Variants in COLEC12 observed in about 807,000 individuals in gnomAD.
COLEC12 encodes the protein collectin-12.
In COLEC12, 33 loss-of-function variants were observed where a neutral mutation model predicts 71.1. That is an observed-to-expected ratio of 0.46 (90% CI 0.35 to 0.62). The LOEUF (loss-of-function observed/expected upper bound fraction) is 0.62. Ranked by LOEUF, COLEC12 falls within the 20% of genes least tolerant of loss-of-function variation. COLEC12 has a pLI of 0.00. For missense variants in COLEC12, 765 were observed against 916.1 expected, an observed-to-expected ratio of 0.84 and a Z score of 2.13; for synonymous variants, 350 against 353.0, an observed-to-expected ratio of 0.99 and a Z score of 0.10.
At chr18:350,802 C>T (rs927903335) in intron 3 of COLEC12, among the ~76,000 whole-genome samples, 3 of 151,886 alleles carry the variant, frequency 2.0e-5, no homozygotes, top group African/African-American at 7.3e-5. Flanking sequence ...GTGGTACACG[C>T]CTGTAACCTC....
rs1248375251 is a variant in COLEC12 at position 316,829 on chromosome 18, CT to C, written c.*3215del. On this transcript the variant is annotated 3_prime_UTR_variant, in exon 10 of 10. Transcript: ENST00000400256. ...TAGAGGAAAAAACATTTTCTATCTT[CT>C]CATAGTAGTAAGTAGCAACTCAGGT... 6.6e-6 allele frequency: 1 copy of C among 152,106 alleles called. No homozygotes were observed. Among genetic ancestry groups the C allele is most frequent in the Non-Finnish European group, 1.5e-5 (1 of 68,036 alleles). The allele number at this position is 152,106 out of a possible 1,614,324, so 9.4% of individuals were successfully genotyped here.
At chr18:442,715 A>T (rs886619361) in intron 2 of COLEC12, among the ~76,000 whole-genome samples, 10 of 152,336 alleles carry the variant, frequency 6.6e-5, no homozygotes, top group African/African-American at 2.4e-4. Context: ...TAATCCCAGT[A>T]CTTTGGGAGG....
intron 2 of COLEC12, among the ~76,000 whole-genome samples, chr18:472,239 C>T (rs967127288): frequency 3.3e-5 from 5 of 152,202 alleles, no homozygotes; most frequent in African/African-American, 1.2e-4. Context: ...GGCAGTCTGG[C>T]TCCAGCATAC....
intron 2 of COLEC12, among the ~76,000 whole-genome samples, chr18:421,732 T>C (rs1391219778): frequency 6.6e-6 from 1 of 152,146 alleles, no homozygotes; most frequent in Non-Finnish European, 1.5e-5. Context: ...GTGATTCCAG[T>C]GATTGACCAC....
At chr18:475,131 C>T (rs886267321) in intron 2 of COLEC12, among the ~76,000 whole-genome samples, 3 of 151,968 alleles carry the variant, frequency 2.0e-5, no homozygotes, top group Non-Finnish European at 2.9e-5. Flanking sequence ...TTTGTAAAAC[C>T]ACATAAATGA....
intron 2 of COLEC12, among the ~76,000 whole-genome samples, chr18:358,230 C>A (rs114105943): frequency 1.1e-4 from 17 of 152,160 alleles, no homozygotes; most frequent in Admixed American, 1.1e-3. Flanking sequence ...ATGGTATAGA[C>A]CAGCGGTCCC....
Position 399,227 on chromosome 18 carries a change from G to A in COLEC12, c.59-41705C>T, listed in dbSNP as rs764288773. Among the ~76,000 whole-genome samples, 61 of 152,218 alleles carry A rather than the reference G, an allele frequency of 4.0e-4. No homozygotes were observed. The highest frequency in any genetic ancestry group is 6.3e-4 in the Non-Finnish European group (43 of 68,032). ...TCTGAAGTTGAGATTTTTCTGCTAC[G>A]TGGGTCTCAGGCTAAGCGTAAGATG... On this transcript the variant is annotated intron_variant, in intron 2 of 9. Transcript: ENST00000400256. The surrounding 1 kb of genome is among the most constrained non-coding windows in gnomAD (Gnocchi z 4.0).
intron 2 of COLEC12, among the ~76,000 whole-genome samples, chr18:479,035 T>C (rs1917358539): frequency 6.6e-6 from 1 of 152,244 alleles, no homozygotes; most frequent in Non-Finnish European, 1.5e-5. Flanking sequence ...CTCTTGGTTC[T>C]TCATATTTCT....
intron 2 of COLEC12, among the ~76,000 whole-genome samples, chr18:427,992 T>C (rs894624318): frequency 1.3e-5 from 2 of 152,194 alleles, no homozygotes; most frequent in African/African-American, 4.8e-5. Flanking sequence ...TGGCCGGGCG[T>C]GGTGGCTCAT....
rs375007999 is a variant in COLEC12, at chr18:488,085, C to A, written c.8-7328G>T. Among the ~76,000 whole-genome samples, 6 of 152,126 alleles carry A rather than the reference C, an allele frequency of 3.9e-5. No individual in the cohort carries two copies. The East Asian group carries it at 9.6e-4, about 24-fold the overall frequency. ...ACAGAGATAAGAGAAAATAATATAT[C>A]TGGAAAACAGGATGCTATAAAAAAG... On this transcript the variant is annotated intron_variant, in intron 1 of 9. Coordinates refer to ENST00000400256, the MANE Select transcript of COLEC12 (RefSeq NM_130386.3).
At chr18:388,341 A>C (rs1172157020) in intron 2 of COLEC12, among the ~76,000 whole-genome samples, 1 of 152,134 alleles carries the variant, frequency 6.6e-6, no homozygotes, top group African/African-American at 2.4e-5. Flanking sequence ...TTGATGTTTC[A>C]GTCAGAGTTA....
intron 3 of COLEC12, among the ~76,000 whole-genome samples, chr18:349,612 C>T (rs190555576): frequency 6.6e-5 from 10 of 152,238 alleles, no homozygotes; most frequent in African/African-American, 1.2e-4. Flanking sequence ...CAGTTTGCAC[C>T]GTTCACCTGG....
Position 316,799 on chromosome 18 carries a change from C to G in COLEC12, c.*3246G>C, listed in dbSNP as rs1392000707. On this transcript the variant is annotated 3_prime_UTR_variant, in exon 10 of 10. Coordinates refer to ENST00000400256, the MANE Select transcript of COLEC12 (RefSeq NM_130386.3). ...TGTTGTGCATTCATTCTTTCAAAAGCTGTTTAGAGGAAAAAACATTTTCTA... is the reference window on the plus strand; with the variant it reads ...TGTTGTGCATTCATTCTTTCAAAAGGTGTTTAGAGGAAAAAACATTTTCTA... 1 of 152,066 alleles carries G rather than the reference C, an allele frequency of 6.6e-6. No individual in the cohort carries two copies. The highest frequency in any genetic ancestry group is 1.5e-5 in the Non-Finnish European group (1 of 68,006). The allele number at this position is 152,066 out of a possible 1,614,324, so 9.4% of individuals were successfully genotyped here. A position where few individuals can be genotyped will look rare whatever the true frequency, so the allele number is the denominator to read the frequency against.
chr18:460,092 C>T (rs1024455632), intron 2 of COLEC12, among the ~76,000 whole-genome samples: 4 of 151,910 alleles, frequency 2.6e-5, no homozygotes, highest in South Asian at 2.1e-4. Context: ...ATATTTTGAT[C>T]GGGCTGTGAG....
chr18:404,517 A>G (rs747279127), intron 2 of COLEC12, among the ~76,000 whole-genome samples: 13 of 152,238 alleles, frequency 8.5e-5, no homozygotes, highest in Non-Finnish European at 1.6e-4. Flanking sequence ...ACATGAATTT[A>G]AAGTGGGACG....
chr18:375,102 A>T (rs1212337529), intron 2 of COLEC12, among the ~76,000 whole-genome samples: 1 of 152,170 alleles, frequency 6.6e-6, no homozygotes, highest in East Asian at 1.9e-4. Flanking sequence ...GCACAAATAG[A>T]AGTGTCCTTC....
At chr18:395,326 A>T (rs923915192) in intron 2 of COLEC12, among the ~76,000 whole-genome samples, 1 of 152,206 alleles carries the variant, frequency 6.6e-6, no homozygotes, top group African/African-American at 2.4e-5. Flanking sequence ...GAGTGTTATG[A>T]GGAAGGCAAG....
In COLEC12 at chr18:331,723, C is replaced by T. The variant is rs779613945; in HGVS notation, c.2008G>A (p.Asp670Asn). The change falls in exon 8 of 10, where the codon GAC (aspartate) becomes AAC (asparagine). Residue 670 changes from aspartate to asparagine, a missense_variant. Coordinates refer to ENST00000400256, the MANE Select transcript of COLEC12 (RefSeq NM_130386.3). Reference sequence around the variant, plus strand: ...TTCCATTCATTTTCACGCTCTGAGTCTGTGAGGCCGATCCAGTGGCTCTCT... The same window carrying T: ...TTCCATTCATTTTCACGCTCTGAGTTTGTGAGGCCGATCCAGTGGCTCTCT... ...GRESHWIGLT[D>N]SERENEWKWL... 4 of 1,614,144 alleles carry T rather than the reference C, an allele frequency of 2.5e-6. No homozygotes were observed. Among genetic ancestry groups the T allele is most frequent in the Non-Finnish European group, 3.4e-6 (4 of 1,179,964 alleles).
chr18:384,062 G>C (rs1267898828), intron 2 of COLEC12, among the ~76,000 whole-genome samples: 1 of 152,164 alleles, frequency 6.6e-6, no homozygotes, highest in Non-Finnish European at 1.5e-5. Context: ...CAACATGTGG[G>C]AATTATGGGA....
Sources: gnomAD v4.1 joint callset for allele counts (sites outside exome capture counted in the v4.1 genomes callset) on GRCh38, gnomAD v4.1.1 for gene constraint, Gnocchi (gnomAD v3.1) non-coding constraint, MANE v1.5 for transcripts, NCBI Gene and HGNC (gene_info 2026-07-23, HGNC 2026-07-21) for gene names.